Variants in GLIS1 observed in about 807,000 individuals in gnomAD.
The protein encoded by GLIS1 is GLIS family zinc finger 1.
GLIS1 carries 24 observed loss-of-function variants against 63.8 expected under a neutral mutation model. The ratio of observed to expected loss-of-function variants is 0.38; its 90% CI spans 0.27 to 0.53. The LOEUF (loss-of-function observed/expected upper bound fraction) is 0.53. GLIS1 is among the 20% of genes least tolerant of loss of function. GLIS1 has a pLI of 0.85. For synonymous variants in GLIS1, 450 were observed against 482.5 expected, an observed-to-expected ratio of 0.93 and a Z score of 0.88; for missense variants, 1,036 against 1,074.1, an observed-to-expected ratio of 0.96 and a Z score of 0.50.
chr1:53,510,532 G>A (rs1644288501), intron 8 of GLIS1, among the ~76,000 whole-genome samples: 1 of 152,172 alleles, frequency 6.6e-6, no homozygotes, highest in Non-Finnish European at 1.5e-5. Flanking sequence ...CTTGCCCCAG[G>A]TCCTGGGAGA....
chr1:53,717,311 G>A (rs528585370), intron 2 of GLIS1, among the ~76,000 whole-genome samples: 16 of 152,152 alleles, frequency 1.1e-4, no homozygotes, highest in Non-Finnish European at 2.2e-4. Context: ...CTGGCACATG[G>A]TAAACATTTA....
intron 2 of GLIS1, among the ~76,000 whole-genome samples, chr1:53,657,435 C>T (rs1321125922): frequency 3.3e-5 from 5 of 152,200 alleles, no homozygotes; most frequent in African/African-American, 1.2e-4. Context: ...GTTCCCCCGC[C>T]CCTTGGGTCT....
chr1:53,628,026 G>A (rs1212418645), intron 2 of GLIS1, among the ~76,000 whole-genome samples: 1 of 152,204 alleles, frequency 6.6e-6, no homozygotes, highest in Non-Finnish European at 1.5e-5. Flanking sequence ...AGAGCACACT[G>A]AACCTGGGGG....
intron 4 of GLIS1, among the ~76,000 whole-genome samples, chr1:53,587,964 C>T (rs562101481): frequency 6.6e-6 from 1 of 152,268 alleles, no homozygotes; most frequent in African/African-American, 2.4e-5. Context: ...TTAAATCCGA[C>T]CCCACCATGC....
intron 2 of GLIS1, among the ~76,000 whole-genome samples, chr1:53,737,193 G>T (rs1015845159): frequency 6.6e-6 from 1 of 152,216 alleles, no homozygotes; most frequent in Admixed American, 6.5e-5. Context: ...GCTTCACTGG[G>T]GGACGAAGGG....
chr1:53,716,817 T>TA (rs202087145), intron 2 of GLIS1, among the ~76,000 whole-genome samples: 1 of 151,790 alleles, frequency 6.6e-6, no homozygotes, highest in African/African-American at 2.4e-5. Context: ...AAATTATATT[T>TA]AAAAAAAAGT....
chr1:53,599,713 C>A (rs916739987), intron 3 of GLIS1, among the ~76,000 whole-genome samples: 1 of 152,208 alleles, frequency 6.6e-6, no homozygotes, highest in African/African-American at 2.4e-5. Flanking sequence ...GCTCTGTGGG[C>A]CATGGTCTCC....
At chr1:53,728,341 A>G (rs979061682) in intron 2 of GLIS1, among the ~76,000 whole-genome samples, 2 of 152,208 alleles carry the variant, frequency 1.3e-5, no homozygotes, top group East Asian at 3.8e-4. Flanking sequence ...TAATTATTAT[A>G]ATCCCAAGAT....
chr1:53,621,435 C>T (rs931839074), intron 2 of GLIS1, among the ~76,000 whole-genome samples: 4 of 152,362 alleles, frequency 2.6e-5, no homozygotes, highest in South Asian at 2.1e-4. Flanking sequence ...GCCCCAGGCC[C>T]GTGTGGGAGG....
chr1:53,680,614 G>C (rs1471951867), intron 2 of GLIS1, among the ~76,000 whole-genome samples: 2 of 152,240 alleles, frequency 1.3e-5, no homozygotes, highest in Admixed American at 6.5e-5. Flanking sequence ...CAGAAGATGT[G>C]ATAGTCATCC....
chr1:53,739,056 G>C (rs113639237), intron 1 of GLIS1, among the ~76,000 whole-genome samples, 49 bp downstream of exon 1: 3,988 of 152,064 alleles, frequency 0.026, 165 homozygotes, highest in African/African-American at 0.091. Context: ...CTCGGATCTC[G>C]GGCCCCGCAC....
chr1:53,680,626 G>C (rs893125342), intron 2 of GLIS1, among the ~76,000 whole-genome samples: 9 of 152,222 alleles, frequency 5.9e-5, no homozygotes, highest in African/African-American at 2.2e-4. Context: ...TAGTCATCCT[G>C]TTAATATCAG....
At position 53,715,344 on chromosome 1, in the gene GLIS1, C is replaced by T. The variant is rs911892840; in HGVS notation, c.259+22462G>A. ...AGGTGAGCTGGAAAAGCACACCAGG[C>T]GGAGGGAGTGGGCCATGCAAAGGCC... is the stretch of plus-strand genomic sequence containing the variant. On this transcript the variant is annotated intron_variant, in intron 2 of 10. Transcript: ENST00000628545. Among the ~76,000 whole-genome samples, 9 of 152,208 alleles carry T rather than the reference C, an allele frequency of 5.9e-5. No homozygotes were observed. In the South Asian group the frequency reaches 1.0e-3, roughly 18 times the overall value.
intron 2 of GLIS1, among the ~76,000 whole-genome samples, chr1:53,704,869 A>G (rs1417562390): frequency 6.6e-6 from 1 of 152,200 alleles, no homozygotes; most frequent in Non-Finnish European, 1.5e-5. Context: ...GATGGTTGTT[A>G]GCATCACTGA....
At chr1:53,544,444 C>T (rs1644677800) in intron 4 of GLIS1, among the ~76,000 whole-genome samples, 1 of 152,196 alleles carries the variant, frequency 6.6e-6, no homozygotes, top group African/African-American at 2.4e-5. Context: ...CACTCTCTTC[C>T]CTGGCCCCCC....
intron 7 of GLIS1, among the ~76,000 whole-genome samples, chr1:53,518,741 T>A (rs901277672): frequency 1.3e-5 from 2 of 152,228 alleles, no homozygotes; most frequent in African/African-American, 4.8e-5. Flanking sequence ...GGGTTTCACA[T>A]CCTACTGCAC....
chr1:53,553,427 T>C (rs1380011997), intron 4 of GLIS1, among the ~76,000 whole-genome samples: 1 of 151,884 alleles, frequency 6.6e-6, no homozygotes, highest in African/African-American at 2.4e-5. Flanking sequence ...CCACCATCCA[T>C]AAACTATTTC....
chr1:53,532,916 A>G (rs1644545826), intron 4 of GLIS1, among the ~76,000 whole-genome samples: 1 of 152,216 alleles, frequency 6.6e-6, no homozygotes, highest in African/African-American at 2.4e-5. Context: ...CTCTCTGACC[A>G]TCTAATTCAT....
intron 2 of GLIS1, among the ~76,000 whole-genome samples, chr1:53,729,175 G>A (rs902964968): frequency 1.3e-5 from 2 of 152,202 alleles, no homozygotes; most frequent in African/African-American, 4.8e-5. Context: ...TCAGGGATGG[G>A]AAGTAACACA....
Sources: gnomAD v4.1 joint callset for allele counts (sites outside exome capture counted in the v4.1 genomes callset) on GRCh38, gnomAD v4.1.1 for gene constraint, MANE v1.5 for transcripts, NCBI Gene and HGNC (gene_info 2026-07-23, HGNC 2026-07-21) for gene names.